Variants in SPATS2 observed in about 807,000 individuals in gnomAD.
SPATS2 encodes spermatogenesis-associated serine-rich protein 2.
A neutral mutation model predicts 63.7 loss-of-function variants in SPATS2; 38 were observed. The ratio of observed to expected loss-of-function variants is 0.60; its 90% CI spans 0.46 to 0.78. The LOEUF (loss-of-function observed/expected upper bound fraction) is 0.78. Ranked by LOEUF, SPATS2 falls within the 30% of genes least tolerant of loss-of-function variation. The pLI is 0.00. For missense variants in SPATS2, 588 were observed against 666.2 expected (o/e 0.88, Z 1.29); for synonymous variants, 207 against 232.9 (o/e 0.89, Z 1.01).
chr12:49,413,298 C>T (rs577065253), intron 2 of SPATS2, among the ~76,000 whole-genome samples: 7 of 152,210 alleles, frequency 4.6e-5, no homozygotes, highest in Non-Finnish European at 8.8e-5. Flanking sequence ...ACAGCTACGG[C>T]GCCTTGGACA....
intron 2 of SPATS2, among the ~76,000 whole-genome samples, chr12:49,455,665 AG>A (rs1479163503): frequency 6.6e-6 from 1 of 152,194 alleles, no homozygotes; most frequent in Non-Finnish European, 1.5e-5. Context: ...TCCGTTGCTT[AG>A]GCTGGCGTGC....
intron 2 of SPATS2, among the ~76,000 whole-genome samples, chr12:49,453,705 T>C (rs922316182): frequency 1.4e-4 from 22 of 152,072 alleles, no homozygotes; most frequent in African/African-American, 4.6e-4. Context: ...TGCAGCCACC[T>C]AGCAGGCTAA....
At chr12:49,389,490 A>T (rs1944381839) in intron 2 of SPATS2, 1 of 823,288 alleles carries the variant, frequency 1.2e-6, no homozygotes, top group Non-Finnish European at 2.1e-6. Context: ...GCTGCGAGGG[A>T]CTAAGAGCAG....
At chr12:49,374,605 A>C (rs1256183617) in intron 2 of SPATS2, among the ~76,000 whole-genome samples, 2 of 152,162 alleles carry the variant, frequency 1.3e-5, no homozygotes, top group African/African-American at 4.8e-5. Flanking sequence ...GGGTCTGAGG[A>C]TATAGATGTT....
chr12:49,422,320 G>C lies in SPATS2; in HGVS notation c.-243-38450G>C, dbSNP rs113503847. 7.5e-3 allele frequency among the ~76,000 whole-genome samples: 1,138 copies of C among 152,240 alleles called. 10 individuals carry two copies. Among genetic ancestry groups the C allele is most frequent in the African/African-American group, 0.026 (1,071 of 41,512 alleles). ...AGTACTTCACAGAATTACATGACAT[G>C]TATGTAATGGATGTTACAGTGGCTG... On this transcript the variant is annotated intron_variant, in intron 2 of 13. Transcript: ENST00000552918.
At position 49,437,847 on chromosome 12, in the gene SPATS2, AGAGGGAGAGGGAGAGGGAGAG is replaced by A. The variant is rs1182611412; in HGVS notation, c.-243-22909_-243-22889del. ...AAAGAGGGAGAGGGAGACCGTGGGG[AGAGGGAGAGGGAGAGGGAGAG>A]GAGGGAGAGGGAGCTGAATGGTTTC... On this transcript the variant is annotated intron_variant, in intron 2 of 13. Transcript: ENST00000552918. Among the ~76,000 whole-genome samples, 71 of 151,254 alleles carry A rather than the reference AGAGGGAGAGGGAGAGGGAGAG, an allele frequency of 4.7e-4. No individual in the cohort carries two copies. In the South Asian group the frequency reaches 0.012, roughly 26 times the overall value.
In SPATS2 at chr12:49,389,615, A is replaced by G. The variant is rs1944384460; in HGVS notation, c.-244+18325A>G. On this transcript the variant is annotated intron_variant, in intron 2 of 13. Coordinates refer to ENST00000552918, the MANE Select transcript of SPATS2 (RefSeq NM_023071.4). ...AGCAGAAACTCTGATTGAGCAAACC[A>G]CAGCTCTCAATAAGCGAGTAGAAGC... The G allele has an allele frequency of 5.4e-6, 6 of 1,116,894 alleles. No homozygotes were observed. The South Asian group carries it at 6.2e-5, about 11-fold the overall frequency. The allele number at this position is 1,116,894 out of a possible 1,614,324, so 69.2% of individuals were successfully genotyped here.
intron 2 of SPATS2, among the ~76,000 whole-genome samples, chr12:49,410,785 A>T (rs897354383): frequency 1.4e-5 from 2 of 145,404 alleles, no homozygotes; most frequent in Non-Finnish European, 3.0e-5. Flanking sequence ...CTTAAAAGGA[A>T]TTTTTTTTTT....
At chr12:49,453,477 T>G in intron 2 of SPATS2, among the ~76,000 whole-genome samples, 1 of 152,166 alleles carries the variant, frequency 6.6e-6, no homozygotes. Context: ...GTTGCTGATG[T>G]CTCTGCTCAG....
chr12:49,514,191 TTAAG>T (rs1278826385), intron 9 of SPATS2, among the ~76,000 whole-genome samples: 5 of 151,610 alleles, frequency 3.3e-5, no homozygotes, highest in Admixed American at 6.6e-5. Context: ...ACATACATGG[TTAAG>T]TAAGTAATTT....
chr12:49,495,399 G>A (rs975617568), intron 7 of SPATS2, among the ~76,000 whole-genome samples: 10 of 151,904 alleles, frequency 6.6e-5, no homozygotes, highest in Admixed American at 3.3e-4. Flanking sequence ...GGGTTTCACC[G>A]TGTTAGCCAG....
intron 2 of SPATS2, among the ~76,000 whole-genome samples, chr12:49,411,806 G>T (rs1449231459): frequency 2.0e-5 from 3 of 152,126 alleles, no homozygotes. Flanking sequence ...AGGCCTCCTT[G>T]CTATTCTTCT....
chr12:49,443,723 A>G lies in SPATS2; in HGVS notation c.-243-17047A>G, dbSNP rs372565825. Among the ~76,000 whole-genome samples, 71 of 152,282 alleles carry G rather than the reference A, an allele frequency of 4.7e-4. No individual in the cohort carries two copies. The South Asian group carries it at 0.012, about 26-fold the overall frequency. ...TATTTGGAAGTCCAGTTGTCCCAAT[A>G]CTATTTGTTGAAAAGACTCTCTTTT... On this transcript the variant is annotated intron_variant, in intron 2 of 13. Transcript: ENST00000552918.
chr12:49,486,826 C>G (rs1262906763), intron 4 of SPATS2, among the ~76,000 whole-genome samples: 1 of 151,504 alleles, frequency 6.6e-6, no homozygotes, highest in African/African-American at 2.4e-5. Flanking sequence ...TATCTAGGAG[C>G]TAGGTGTGCT....
intron 2 of SPATS2, among the ~76,000 whole-genome samples, chr12:49,429,866 C>T (rs1170052996): frequency 6.6e-6 from 1 of 150,418 alleles, no homozygotes. Context: ...CTGCAACCTC[C>T]GCCTCCTGGG....
intron 2 of SPATS2, among the ~76,000 whole-genome samples, chr12:49,397,938 T>C (rs1944540142): frequency 6.8e-6 from 1 of 147,722 alleles, no homozygotes; most frequent in Non-Finnish European, 1.5e-5. Flanking sequence ...TCATTTGAGC[T>C]CAGGAATTTG....
At chr12:49,424,096 G>A (rs1182400733) in intron 2 of SPATS2, among the ~76,000 whole-genome samples, 10 of 152,032 alleles carry the variant, frequency 6.6e-5, no homozygotes, top group Admixed American at 2.0e-4. Flanking sequence ...CCAGCTGCTC[G>A]GGAGGCTGAG....
intron 2 of SPATS2, among the ~76,000 whole-genome samples, chr12:49,448,332 G>A (rs1565727330): frequency 6.6e-6 from 1 of 151,262 alleles, no homozygotes; most frequent in Non-Finnish European, 1.5e-5. Flanking sequence ...GTAGAAACGG[G>A]GTTTCACCGT....
intron 2 of SPATS2, among the ~76,000 whole-genome samples, chr12:49,445,825 T>C (rs1945500562): frequency 6.6e-6 from 1 of 152,024 alleles, no homozygotes; most frequent in African/African-American, 2.4e-5. Context: ...GTGCCTGGCC[T>C]GGCTTGCTAA....
Sources: gnomAD v4.1 joint callset for allele counts (sites outside exome capture counted in the v4.1 genomes callset) on GRCh38, gnomAD v4.1.1 for gene constraint, MANE v1.5 for transcripts, NCBI Gene and HGNC (gene_info 2026-07-23, HGNC 2026-07-21) for gene names.